Variants in SLC25A33 observed in about 807,000 individuals in gnomAD.
SLC25A33 encodes the protein bone marrow stromal cell mitochondrial carrier protein.
Under a neutral mutation model 35.5 loss-of-function variants are expected in SLC25A33, and 15 were observed. The ratio of observed to expected loss-of-function variants is 0.42; its 90% CI spans 0.28 to 0.65. SLC25A33 has a LOEUF of 0.65. Among genes scored for constraint, SLC25A33 ranks in the 30% least tolerant of loss-of-function variants. The pLI is 0.20. For synonymous variants in SLC25A33, 136 were observed against 148.7 expected (o/e 0.91, Z 0.62); for missense variants, 257 against 398.5 (o/e 0.64, Z 3.02).
At chr1:9,580,860 A>AT (rs1454292136) in intron 6 of SLC25A33, among the ~76,000 whole-genome samples, 45 of 126,848 alleles carry the variant, frequency 3.5e-4, no homozygotes, top group African/African-American at 1.4e-3. Flanking sequence ...GTCTCAAAAA[A>AT]AAAAAAATAA....
At chr1:9,556,675 CTGTGTCTGTGTGTGTGTGTG>C (rs1215058920) in intron 2 of SLC25A33, among the ~76,000 whole-genome samples, 5 of 149,308 alleles carry the variant, frequency 3.3e-5, no homozygotes, top group African/African-American at 1.3e-4. Context: ...GTGTGTGTGT[CTGTGTCTGTGTGTGTGTGTG>C]TGTGTCTGTG....
chr1:9,576,755 G>A lies in SLC25A33; in HGVS notation c.483-3199G>A, dbSNP rs965070736. The A allele has an allele frequency of 1.9e-5, 20 of 1,055,230 alleles. 1 individual carries two copies. Among genetic ancestry groups the A allele is most frequent in the South Asian group, 7.5e-5 (6 of 80,226 alleles). 65.4% of individuals were successfully genotyped at this position (1,055,230 alleles called of 1,614,324 possible). A position where few individuals can be genotyped will look rare whatever the true frequency, so the allele number is the denominator to read the frequency against. ...GAGGATGGGTCTCTTGTTGAAATCC[G>A]AAATTTCTTGGATGAAAAATACACC... is the stretch of plus-strand genomic sequence containing the variant. On this transcript the variant is annotated intron_variant, in intron 5 of 6. Coordinates refer to ENST00000302692, the MANE Select transcript of SLC25A33 (RefSeq NM_032315.3).
chr1:9,545,921 C>T (rs565545689), intron 1 of SLC25A33, among the ~76,000 whole-genome samples: 1 of 151,198 alleles, frequency 6.6e-6, no homozygotes, highest in Admixed American at 6.6e-5. Context: ...CGAGATCGCG[C>T]CACTGCACTC....
chr1:9,544,361 C>G (rs1193306087), intron 1 of SLC25A33, among the ~76,000 whole-genome samples: 1 of 151,322 alleles, frequency 6.6e-6, no homozygotes, highest in Admixed American at 6.6e-5. Context: ...CTCCACCTCC[C>G]GGGTTCAAGC....
Position 9,571,685 on chromosome 1 carries a change from T to TGG in SLC25A33, c.415+1328_415+1329dup, listed in dbSNP as rs1643592755. On this transcript the variant is annotated intron_variant, in intron 4 of 6. Transcript: ENST00000302692. ...CAGGGTCTGGCTGTGTCACCTAGGC[T>TGG]GGAGTGCAGTGGCATGATCTCAGCT... 3.9e-5 allele frequency among the ~76,000 whole-genome samples: 6 copies of TGG among 151,968 alleles called. No homozygotes were observed. In the South Asian group the frequency reaches 1.2e-3, roughly 32 times the overall value.
intron 5 of SLC25A33, among the ~76,000 whole-genome samples, chr1:9,577,901 A>G (rs1643685065): frequency 6.6e-6 from 1 of 152,094 alleles, no homozygotes; most frequent in Non-Finnish European, 1.5e-5. Context: ...AAATGTGAAT[A>G]GCGCCAAGGG....
At chr1:9,580,299 A>G in intron 6 of SLC25A33, 65 bp downstream of exon 6, 4 of 1,568,836 alleles carry the variant, frequency 2.5e-6, no homozygotes, top group Non-Finnish European at 3.5e-6. Context: ...TTGTGGGTAT[A>G]TCTAGACTTC....
At chr1:9,570,428 T>A (rs1643572945) in intron 4 of SLC25A33, 70 bp downstream of exon 4, 1 of 1,329,708 alleles carries the variant, frequency 7.5e-7, no homozygotes, top group Non-Finnish European at 1.1e-6. Flanking sequence ...GTGCCAGTTT[T>A]TCCAGGAATT....
intron 6 of SLC25A33, among the ~76,000 whole-genome samples, chr1:9,580,867 ATAATAATAATAATAAT>A: frequency 7.9e-6 from 1 of 126,268 alleles, no homozygotes; most frequent in African/African-American, 3.6e-5. Context: ...AAAAAAAAAA[ATAATAATAATAATAAT>A]AATAATAATA....
rs183284247 is a variant in SLC25A33, at chr1:9,564,304, C to T, written c.237-2980C>T. On this transcript the variant is annotated intron_variant, in intron 2 of 6. Transcript: ENST00000302692. ...TGGCGAGGTTATAGAGAAATCGGAA[C>T]CCCTTTTACATTGCAGGCGGGAATG... Among the ~76,000 whole-genome samples the T allele has an allele frequency of 6.6e-5, 10 of 152,254 alleles. No individual in the cohort carries two copies. In the East Asian group the frequency reaches 1.7e-3, roughly 26 times the overall value.
In SLC25A33 at chr1:9,580,861, AAAAAAATAAT is replaced by A. The variant is rs1470941136; in HGVS notation, c.763+630_763+639del. ...CAGAGCGAGACTCTGTCTCAAAAAAAAAAAAATAATAATAATAATAATAATAATAATAATC... is the reference window on the plus strand; with the variant it reads ...CAGAGCGAGACTCTGTCTCAAAAAAAAATAATAATAATAATAATAATAATC... On this transcript the variant is annotated intron_variant, in intron 6 of 6. Coordinates refer to ENST00000302692, the MANE Select transcript of SLC25A33 (RefSeq NM_032315.3). Among the ~76,000 whole-genome samples the A allele has an allele frequency of 6.0e-3, 758 of 125,300 alleles. 12 individuals are homozygous for A. The highest frequency in any genetic ancestry group is 0.025 in the African/African-American group (693 of 27,680). The allele number at this position is 125,300 out of a possible 152,430, so 82.2% of individuals were successfully genotyped here. A position where few individuals can be genotyped will look rare whatever the true frequency, so the allele number is the denominator to read the frequency against.
chr1:9,566,710 G>A (rs994975550), intron 2 of SLC25A33, among the ~76,000 whole-genome samples: 2 of 152,168 alleles, frequency 1.3e-5, no homozygotes, highest in East Asian at 1.9e-4. Flanking sequence ...GCTGAGCGTG[G>A]TGGTGCATGC....
chr1:9,575,196 G>A (rs1373154872), intron 5 of SLC25A33, among the ~76,000 whole-genome samples: 1 of 134,714 alleles, frequency 7.4e-6, no homozygotes, highest in Non-Finnish European at 1.5e-5. Context: ...CTGGGTGACA[G>A]AGCGAGACTC....
At position 9,561,133 on chromosome 1, in the gene SLC25A33, G is replaced by A. The variant is rs572452324; in HGVS notation, c.237-6151G>A. ...TTTTTTTTGTATTTTTAGTAGAGAC[G>A]GGGTTTCAGCGGTATTAGCCAGGAT... On this transcript the variant is annotated intron_variant, in intron 2 of 6. Coordinates refer to ENST00000302692, the MANE Select transcript of SLC25A33 (RefSeq NM_032315.3). Among the ~76,000 whole-genome samples, 4 of 152,056 alleles carry A rather than the reference G, an allele frequency of 2.6e-5. 1 individual carries two copies. The South Asian group carries it at 8.3e-4, about 32-fold the overall frequency.
At chr1:9,577,522 T>C (rs1418776798) in intron 5 of SLC25A33, among the ~76,000 whole-genome samples, 4 of 152,076 alleles carry the variant, frequency 2.6e-5, no homozygotes, top group Non-Finnish European at 5.9e-5. Context: ...CATGGTTAGT[T>C]CTGGGGAGCC....
intron 5 of SLC25A33, 31 bp from the exon 6 acceptor site, chr1:9,579,923 T>A (rs778154273): frequency 3.1e-6 from 5 of 1,595,760 alleles, no homozygotes; most frequent in Non-Finnish European, 4.3e-6. Flanking sequence ...ATATGTCTCC[T>A]TAACAGCCTG....
chr1:9,540,052 G>A (rs1175163407), intron 1 of SLC25A33, among the ~76,000 whole-genome samples: 1 of 152,156 alleles, frequency 6.6e-6, no homozygotes, highest in Non-Finnish European at 1.5e-5. Context: ...GTGGTGCTCG[G>A]CGGCGGTCCA....
In SLC25A33 at chr1:9,582,336, G is replaced by A. The variant is rs147939748; in HGVS notation, c.801G>A (p.Lys267=). Residue 267 remains lysine (K), a synonymous_variant, in exon 7 of 7, where the codon AAG becomes AAA. Coordinates refer to ENST00000302692, the MANE Select transcript of SLC25A33 (RefSeq NM_032315.3). This position sits in a 1 kb window ranked among gnomAD's most constrained non-coding sequence, Gnocchi z 4.0. ...IRTRLREEGT[K]YKSFVQTARL... ...CGAGGCTCCGGGAAGAGGGCACCAA[G>A]TACAAGTCTTTTGTCCAGACGGCGC... is the stretch of plus-strand genomic sequence containing the variant. 280 of 1,613,996 alleles carry A rather than the reference G, an allele frequency of 1.7e-4. No homozygotes were observed. The African/African-American group carries it at 3.2e-3, about 18-fold the overall frequency.
At chr1:9,564,765 T>TACACAC (rs57851977) in intron 2 of SLC25A33, among the ~76,000 whole-genome samples, 26 of 114,824 alleles carry the variant, frequency 2.3e-4, no homozygotes, top group African/African-American at 7.7e-4. Flanking sequence ...TATATATATA[T>TACACAC]ACACAAAAAT....
Sources: gnomAD v4.1 joint callset for allele counts (sites outside exome capture counted in the v4.1 genomes callset) on GRCh38, gnomAD v4.1.1 for gene constraint, Gnocchi (gnomAD v3.1) non-coding constraint, MANE v1.5 for transcripts, NCBI Gene and HGNC (gene_info 2026-07-23, HGNC 2026-07-21) for gene names.